HIRA: variants seen among roughly 807,000 people sequenced by gnomAD.
The protein encoded by HIRA is histone cell cycle regulator.
HIRA carries 13 observed loss-of-function variants against 126.6 expected under a neutral mutation model. The ratio of observed to expected loss-of-function variants is 0.10; its 90% CI spans 0.07 to 0.16. The LOEUF is 0.16. Among genes scored for constraint, HIRA ranks in the 10% least tolerant of loss-of-function variants. The probability of loss-of-function intolerance (pLI) is 1.00; values close to 1 mark genes in which losing one functional copy is unlikely to be tolerated. For missense variants in HIRA, 834 were observed against 1,314.4 expected (o/e 0.63, Z 5.65); for synonymous variants, 511 against 520.0 (o/e 0.98, Z 0.24).
chr22:19,354,609 C>T (rs1399640563), intron 21 of HIRA, among the ~76,000 whole-genome samples: 3 of 152,252 alleles, frequency 2.0e-5, no homozygotes, highest in African/African-American at 4.8e-5. Context: ...ACTCTTCACA[C>T]ACTTTTAGAA....
At chr22:19,423,788 G>C (rs2089468232) in intron 1 of HIRA, among the ~76,000 whole-genome samples, 1 of 152,094 alleles carries the variant, frequency 6.6e-6, no homozygotes, top group South Asian at 2.1e-4. Flanking sequence ...AATCTAAATG[G>C]GTTTTCTTTT....
At chr22:19,382,415 T>G (rs191665053) in intron 13 of HIRA, among the ~76,000 whole-genome samples, 10 of 152,298 alleles carry the variant, frequency 6.6e-5, no homozygotes, top group Non-Finnish European at 2.9e-5. Flanking sequence ...GGTAGGGGCA[T>G]TACCCCCTAC....
rs782791532 is a variant in HIRA, at chr22:19,353,320, AAGG to A, written c.2848+33_2848+35del. 5.6e-6 allele frequency: 9 copies of A among 1,611,302 alleles called. No individual in the cohort carries two copies. The South Asian group carries it at 9.9e-5, about 18-fold the overall frequency. On this transcript the variant is annotated intron_variant, in intron 23 of 24. Coordinates refer to ENST00000263208, the MANE Select transcript of HIRA (RefSeq NM_003325.4). ...GAGGCCTGGGAGGATGGAGGGGCAG[AAGG>A]AGAAGGCTGCTCAGGGCTGCCAGGA...
chr22:19,354,038 A>G lies in HIRA; in HGVS notation c.2642T>C (p.Leu881Pro), dbSNP rs1556011760. ...RSSLPSQDAM[L>P]CSGPLAIIQG... Reference sequence around the variant, plus strand: ...GATTATGGCTAACGGTCCTGAGCACAGCATGGCGTCCTGGGATGGCAGGCT... The same window carrying G: ...GATTATGGCTAACGGTCCTGAGCACGGCATGGCGTCCTGGGATGGCAGGCT... The change falls in exon 22 of 25, where the codon CTG becomes CCG. Residue 881 changes from leucine to proline, a missense_variant. By Grantham distance (98) the Leu-to-Pro change is moderately conservative. Coordinates refer to ENST00000263208, the MANE Select transcript of HIRA (RefSeq NM_003325.4). The G allele has an allele frequency of 1.7e-5, 27 of 1,613,512 alleles. No homozygotes were observed. In the East Asian group the frequency reaches 6.0e-4, roughly 36 times the overall value.
intron 24 of HIRA, among the ~76,000 whole-genome samples, chr22:19,337,467 A>AT (rs1471367083): frequency 6.6e-6 from 1 of 151,968 alleles, no homozygotes; most frequent in East Asian, 1.9e-4. Context: ...AGAAAAAATA[A>AT]TTTTTTAAAA....
chr22:19,395,525 A>T (rs1219648374), intron 7 of HIRA, among the ~76,000 whole-genome samples: 1 of 152,212 alleles, frequency 6.6e-6, no homozygotes, highest in East Asian at 1.9e-4. Context: ...TAAGTAAGGT[A>T]AAAACCAGTA....
intron 21 of HIRA, among the ~76,000 whole-genome samples, chr22:19,355,432 T>C (rs2088801903): frequency 6.6e-6 from 1 of 152,208 alleles, no homozygotes; most frequent in Non-Finnish European, 1.5e-5. Context: ...TTAAGGCTCC[T>C]GTAAAGCCCA....
chr22:19,381,184 T>C (rs922177742), intron 13 of HIRA, among the ~76,000 whole-genome samples: 1 of 152,364 alleles, frequency 6.6e-6, no homozygotes, highest in South Asian at 2.1e-4. Flanking sequence ...TATTTCTTTA[T>C]GTGCTCTGAG....
chr22:19,384,188 T>C (rs918738048), intron 12 of HIRA, among the ~76,000 whole-genome samples: 12 of 151,652 alleles, frequency 7.9e-5, no homozygotes, highest in African/African-American at 2.9e-4. Context: ...CGTGGTGGTG[T>C]GTAACTGTAA....
Position 19,357,689 on chromosome 22 carries a change from C to A in HIRA, c.2235-638G>T, listed in dbSNP as rs548602352. Among the ~76,000 whole-genome samples, 353 of 152,312 alleles carry A rather than the reference C, an allele frequency of 2.3e-3. 2 individuals are homozygous for A. The highest frequency in any genetic ancestry group is 3.7e-3 in the Non-Finnish European group (255 of 68,018). Reference sequence around the variant, plus strand: ...GCACAGCCACAGGCCCAGGGTGAGGCTGGAGCTCAGACGCAGGCAGGGGTA... The same window carrying A: ...GCACAGCCACAGGCCCAGGGTGAGGATGGAGCTCAGACGCAGGCAGGGGTA... On this transcript the variant is annotated intron_variant, in intron 18 of 24. Coordinates refer to ENST00000263208, the MANE Select transcript of HIRA (RefSeq NM_003325.4).
At chr22:19,366,287 G>A (rs895090930) in intron 15 of HIRA, among the ~76,000 whole-genome samples, 8 of 151,674 alleles carry the variant, frequency 5.3e-5, no homozygotes, top group Non-Finnish European at 8.8e-5. Flanking sequence ...GCGTGAACCC[G>A]GGAGGTGGAG....
At chr22:19,344,360 A>C (rs999339022) in intron 24 of HIRA, among the ~76,000 whole-genome samples, 1 of 152,130 alleles carries the variant, frequency 6.6e-6, no homozygotes, top group African/African-American at 2.4e-5. Flanking sequence ...CCACAAAAAT[A>C]AAAAAGATTA....
At chr22:19,360,541 G>C (rs1300197823) in intron 17 of HIRA, among the ~76,000 whole-genome samples, 5 of 152,176 alleles carry the variant, frequency 3.3e-5, no homozygotes, top group Non-Finnish European at 7.4e-5. Flanking sequence ...ACCAACCTGG[G>C]CTCAGAGCAG....
intron 1 of HIRA, among the ~76,000 whole-genome samples, chr22:19,425,606 ACTT>A (rs1455036496): frequency 1.3e-5 from 2 of 152,192 alleles, no homozygotes; most frequent in African/African-American, 2.4e-5. Context: ...GTTTTCAACC[ACTT>A]CTTAGAGTAA....
At chr22:19,408,403 T>C in intron 3 of HIRA, 80 bp downstream of exon 3, 1 of 919,394 alleles carries the variant, frequency 1.1e-6, no homozygotes, top group Non-Finnish European at 1.8e-6. Context: ...CGGGGCCTTA[T>C]CTTTCTAATT....
intron 22 of HIRA, 24 bp from the exon 23 acceptor site, chr22:19,353,543 A>C (rs1556011589): frequency 1.9e-6 from 3 of 1,577,002 alleles, no homozygotes; most frequent in Admixed American, 1.7e-5. Context: ...GAGAGTTTCC[A>C]TGATGGGGCA....
rs914354362 is a variant in HIRA at position 19,412,022 on chromosome 22, G to T, written c.38-1244C>A. Among the ~76,000 whole-genome samples, 33 of 152,310 alleles carry T rather than the reference G, an allele frequency of 2.2e-4. 1 individual carries two copies. Among genetic ancestry groups the T allele is most frequent in the East Asian group, 1.5e-3 (8 of 5,194 alleles). Reference sequence around the variant, plus strand: ...ATAAAATACACTTTCCTTCTTACTGGTCACTATGTAGTATAGGTTGAGTAT... The same window carrying T: ...ATAAAATACACTTTCCTTCTTACTGTTCACTATGTAGTATAGGTTGAGTAT... On this transcript the variant is annotated intron_variant, in intron 1 of 24. Transcript: ENST00000263208.
intron 5 of HIRA, among the ~76,000 whole-genome samples, chr22:19,403,829 A>T (rs1452046550): frequency 1.3e-5 from 2 of 152,186 alleles, no homozygotes; most frequent in African/African-American, 2.4e-5. Flanking sequence ...TTAAAAGCTC[A>T]AAACAATGCA....
chr22:19,405,912 T>A, intron 4 of HIRA, 32 bp from the exon 5 acceptor site: 1 of 1,392,638 alleles, frequency 7.2e-7, no homozygotes, highest in African/African-American at 1.5e-5. Flanking sequence ...AAGGCACTCA[T>A]GGAGTGCTCT....
Sources: allele counts gnomAD v4.1 joint callset (sites outside exome capture counted in the v4.1 genomes callset), GRCh38; gene constraint gnomAD v4.1.1; transcripts MANE v1.5; gene names NCBI Gene and HGNC (gene_info 2026-07-23, HGNC 2026-07-21).